TNNT3: variants seen among roughly 807,000 people sequenced by gnomAD.
TNNT3 encodes the protein troponin T3, fast skeletal type, also known as troponin T, fast skeletal muscle.
A neutral mutation model predicts 54.2 loss-of-function variants in TNNT3; 36 were observed. The observed-to-expected ratio is 0.66, with a 90% CI of 0.51 to 0.88. The LOEUF (loss-of-function observed/expected upper bound fraction) is 0.88, where lower values mean the gene tolerates loss of function less well. Among genes scored for constraint, TNNT3 ranks in the 40% least tolerant of loss-of-function variants. The pLI, the probability that TNNT3 is intolerant of heterozygous loss-of-function variation, is 0.00. For synonymous variants in TNNT3, 120 were observed against 109.7 expected (o/e 1.09, Z -0.59); for missense variants, 291 against 331.6 (o/e 0.88, Z 0.95).
intron 9 of TNNT3, 51 bp from the exon 10 acceptor site, chr11:1,933,670 G>T (rs759561181): frequency 6.8e-7 from 1 of 1,460,222 alleles, no homozygotes; most frequent in Admixed American, 1.7e-5. Context: ...GCCAGGCAGG[G>T]CAGAGGTTGG....
rs202193130 is a variant in TNNT3 at position 1,934,782 on chromosome 11, G to T, written c.591-47G>T. The T allele has an allele frequency of 1.7e-3, 2,664 of 1,606,850 alleles. 3 individuals are homozygous for T. The highest frequency in any genetic ancestry group is 2.0e-3 in the Non-Finnish European group (2,344 of 1,174,618). On this transcript the variant is annotated intron_variant, in intron 13 of 15. Coordinates refer to ENST00000278317, the MANE Select transcript of TNNT3 (RefSeq NM_006757.4). ...AGGAGGACTCCAGGGGCCTGGCCCT[G>T]CCTTTGGGGCTTATTCAACGAAGCC...
chr11:1,924,977 G>C (rs1297644522), intron 4 of TNNT3, 122 bp from the exon 5 acceptor site: 2 of 1,101,826 alleles, frequency 1.8e-6, no homozygotes, highest in Non-Finnish European at 2.7e-6. Flanking sequence ...CGAGCCCCAG[G>C]CCCTCTTCTC....
At chr11:1,932,541 T>A (rs1362397790) in intron 9 of TNNT3, 27 bp downstream of exon 9, 1 of 1,611,922 alleles carries the variant, frequency 6.2e-7, no homozygotes, top group Non-Finnish European at 8.5e-7. Flanking sequence ...CTGGTTAACA[T>A]GTCCACGGTT....
chr11:1,938,270 T>G, intron 15 of TNNT3, 168 bp from the exon 16 acceptor site: 5 of 745,692 alleles, frequency 6.7e-6, no homozygotes, highest in South Asian at 5.9e-5. Flanking sequence ...CAGGCACAGG[T>G]GAGTGGGCAC....
intron 5 of TNNT3, among the ~76,000 whole-genome samples, chr11:1,925,760 C>A (rs545043683): frequency 2.0e-5 from 3 of 151,940 alleles, no homozygotes; most frequent in Non-Finnish European, 2.9e-5. Context: ...CGTGAGCATG[C>A]CCTCGTCAGC....
intron 15 of TNNT3, 67 bp from the exon 16 acceptor site, chr11:1,938,371 G>A (rs1036962317): frequency 2.5e-6 from 4 of 1,571,406 alleles, no homozygotes; most frequent in Non-Finnish European, 3.5e-6. Flanking sequence ...TCCGCCCAGG[G>A]TGGGGGACCA....
chr11:1,924,420 T>G (rs1299294730), intron 4 of TNNT3, among the ~76,000 whole-genome samples: 1 of 152,222 alleles, frequency 6.6e-6, no homozygotes, highest in Non-Finnish European at 1.5e-5. Flanking sequence ...GGGGAGCGCG[T>G]TCACGCAACC....
At chr11:1,937,125 C>A (rs1004451578) in intron 15 of TNNT3, 122 bp downstream of exon 15, 49 of 1,058,662 alleles carry the variant, frequency 4.6e-5, no homozygotes, top group African/African-American at 6.3e-5. Context: ...ACGAGACTAA[C>A]CCGGCCAGGC....
chr11:1,925,443 T>C, intron 5 of TNNT3: 2 of 740,570 alleles, frequency 2.7e-6, no homozygotes, highest in Non-Finnish European at 4.6e-6. Context: ...GGCCAATGCT[T>C]GACCAGAGAG....
intron 11 of TNNT3, 102 bp downstream of exon 11, chr11:1,934,110 A>G: frequency 1.5e-6 from 2 of 1,340,914 alleles, no homozygotes; most frequent in Non-Finnish European, 2.1e-6. Context: ...TCCCATTGTC[A>G]TTGGCCAATG....
intron 4 of TNNT3, among the ~76,000 whole-genome samples, chr11:1,923,809 C>T (rs1392317621): frequency 6.6e-6 from 1 of 152,012 alleles, no homozygotes; most frequent in African/African-American, 2.4e-5. Context: ...ATCACTAACC[C>T]CTGTCTCTTT....
chr11:1,937,211 G>A (rs1296496861), intron 15 of TNNT3, among the ~76,000 whole-genome samples: 1 of 152,128 alleles, frequency 6.6e-6, no homozygotes, highest in East Asian at 1.9e-4. Context: ...GGGGAGCCCT[G>A]GGGGGTGGCA....
chr11:1,934,359 G>A lies in TNNT3; in HGVS notation c.394G>A (p.Asp132Asn), dbSNP rs771880745. 3.1e-6 allele frequency: 5 copies of A among 1,613,940 alleles called. 1 individual carries two copies. Among genetic ancestry groups the A allele is most frequent in the Non-Finnish European group, 4.2e-6 (5 of 1,180,030 alleles). ...AEEKARREEE[D>N]AKRRAEDDLK... ...GGAAAAGGCCAGAAGGGAGGAGGAG[G>A]ATGCCAAGAGGAGGGCAGAGGACGA... The change falls in exon 12 of 16, where the codon GAT (aspartate) becomes AAT (asparagine). Residue 132 changes from aspartate (D) to asparagine (N), a missense_variant. By Grantham distance (23) the Asp-to-Asn change is conservative. Transcript: ENST00000278317.
intron 1 of TNNT3, among the ~76,000 whole-genome samples, chr11:1,920,940 T>C (rs2668870): frequency 0.89 from 134,837 of 152,172 alleles, 60,032 homozygotes; most frequent in East Asian, 1. Context: ...GAAAACCAGG[T>C]GCCTCAGTTT....
At chr11:1,938,367 C>T (rs1281951368) in intron 15 of TNNT3, 71 bp from the exon 16 acceptor site, 4 of 1,559,442 alleles carry the variant, frequency 2.6e-6, no homozygotes, top group Non-Finnish European at 2.6e-6. Flanking sequence ...AGAGTCCGCC[C>T]AGGGTGGGGG....
chr11:1,934,907 C>T lies in TNNT3; in HGVS notation c.669C>T (p.Arg223=). ...DKFEFGEKLK[R]QKYDITTLRS... ...TCGAGTTTGGGGAGAAGCTGAAACGCCAGAAATATGACGTGAGTCCCGGCA... is the reference window on the plus strand; with the variant it reads ...TCGAGTTTGGGGAGAAGCTGAAACGTCAGAAATATGACGTGAGTCCCGGCA... Residue 223 remains arginine, a synonymous_variant, in exon 14 of 16, where the codon CGC becomes CGT. Coordinates refer to ENST00000278317, the MANE Select transcript of TNNT3 (RefSeq NM_006757.4). 1 of 1,613,508 alleles carries T rather than the reference C, an allele frequency of 6.2e-7. No homozygotes were observed. The highest frequency in any genetic ancestry group is 8.5e-7 in the Non-Finnish European group (1 of 1,180,002).
intron 13 of TNNT3, 37 bp downstream of exon 13, chr11:1,934,692 G>A (rs759284672): frequency 3.1e-6 from 5 of 1,605,236 alleles, no homozygotes; most frequent in African/African-American, 1.3e-5. Context: ...GCCCCACGGG[G>A]TGGCCCCTGC....
intron 9 of TNNT3, 38 bp downstream of exon 9, chr11:1,932,552 TC>T: frequency 2.5e-6 from 4 of 1,608,008 alleles, no homozygotes; most frequent in Non-Finnish European, 3.4e-6. Flanking sequence ...GTCCACGGTT[TC>T]CCCACACCCC....
chr11:1,926,485 C>G, intron 5 of TNNT3: 1 of 1,613,228 alleles, frequency 6.2e-7, no homozygotes, highest in Non-Finnish European at 8.5e-7. Context: ...GAACCAGGTA[C>G]GTGCATGACT....
Sources: allele counts gnomAD v4.1 joint callset (sites outside exome capture counted in the v4.1 genomes callset), GRCh38; gene constraint gnomAD v4.1.1; transcripts MANE v1.5; gene names NCBI Gene and HGNC (gene_info 2026-07-23, HGNC 2026-07-21).